Variants in ALMS1 observed in about 807,000 individuals in gnomAD.
The protein encoded by ALMS1 is ALMS1 centrosome and basal body associated protein, also known as centrosome-associated protein ALMS1.
A neutral mutation model predicts 352.2 loss-of-function variants in ALMS1; 271 were observed. The observed-to-expected ratio is 0.77, with a 90% CI of 0.70 to 0.85. ALMS1 has a LOEUF of 0.85. Among genes scored for constraint, ALMS1 ranks in the 40% least tolerant of loss-of-function variants. The probability of loss-of-function intolerance (pLI) is 0.00; values close to 1 mark genes in which losing one functional copy is unlikely to be tolerated. For missense variants in ALMS1, 5,445 were observed against 4,870.7 expected, an observed-to-expected ratio of 1.12 and a Z score of -3.51; for synonymous variants, 1,865 against 1,761.2, an observed-to-expected ratio of 1.06 and a Z score of -1.48.
intron 7 of ALMS1, among the ~76,000 whole-genome samples, chr2:73,446,945 G>A (rs994874480): frequency 3.3e-5 from 5 of 152,052 alleles, no homozygotes; most frequent in Admixed American, 1.3e-4. Flanking sequence ...GATAATACTT[G>A]CTCTATATAT....
intron 9 of ALMS1, 151 bp downstream of exon 9, chr2:73,455,446 C>T (rs1331171892): frequency 1.0e-6 from 1 of 972,692 alleles, no homozygotes; most frequent in East Asian, 2.7e-5. Context: ...CTCTGTTGCC[C>T]AGGCTGAAGT....
At chr2:73,486,535 T>A (rs1672851355) in intron 9 of ALMS1, among the ~76,000 whole-genome samples, 1 of 152,204 alleles carries the variant, frequency 6.6e-6, no homozygotes, top group East Asian at 1.9e-4. Flanking sequence ...GTTAGGGTTT[T>A]TTGTCTGTGT....
At chr2:73,575,801 G>A (rs1042506869) in intron 16 of ALMS1, among the ~76,000 whole-genome samples, 35 of 151,848 alleles carry the variant, frequency 2.3e-4, no homozygotes, top group Admixed American at 1.2e-3. Context: ...TCTGCTGACC[G>A]TGTCTTCTGA....
chr2:73,599,822 T>C (rs1418400965), intron 17 of ALMS1, among the ~76,000 whole-genome samples: 1 of 152,260 alleles, frequency 6.6e-6, no homozygotes. Context: ...AAATGTCTGC[T>C]ATAGATATAC....
intron 10 of ALMS1, among the ~76,000 whole-genome samples, chr2:73,506,335 G>A (rs1034923148): frequency 6.6e-6 from 1 of 152,156 alleles, no homozygotes; most frequent in Non-Finnish European, 1.5e-5. Flanking sequence ...AAAGTCAATG[G>A]TAGCTTGATG....
intron 15 of ALMS1, among the ~76,000 whole-genome samples, chr2:73,567,962 A>G (rs1454354872): frequency 6.6e-6 from 1 of 152,208 alleles, no homozygotes; most frequent in South Asian, 2.1e-4. Context: ...TGGGAAAACA[A>G]TTTTAAAAAA....
Position 73,572,943 on chromosome 2 carries a change from C to A in ALMS1, c.11066C>A (p.Thr3689Lys). Residue 3689 changes from threonine (T) to lysine (K), a missense_variant, in exon 16 of 23, where the codon ACA becomes AAA. Transcript: ENST00000613296. The part of the protein sequence containing the change: ...FKSLEKSHKN[T>K]GELKKSKVLS... ...AGCCTAGAGAAAAGCCATAAAAATACAGGCGAGCTTAAAAAAAGCAAGGTG... is the reference window on the plus strand; with the variant it reads ...AGCCTAGAGAAAAGCCATAAAAATAAAGGCGAGCTTAAAAAAAGCAAGGTG... 1 of 1,614,102 alleles carries A rather than the reference C, an allele frequency of 6.2e-7. No individual in the cohort carries two copies.
At chr2:73,567,697 C>T (rs538691736) in intron 15 of ALMS1, among the ~76,000 whole-genome samples, 4 of 152,168 alleles carry the variant, frequency 2.6e-5, no homozygotes, top group East Asian at 1.9e-4. Context: ...TTTAGAGTAT[C>T]GTGAGAATTT....
rs1277273005 is a variant in ALMS1 at position 73,462,749 on chromosome 2, G to A, written c.7674+7454G>A. The A allele has an allele frequency of 3.3e-5, 5 of 152,150 alleles. No homozygotes were observed. The South Asian group carries it at 6.2e-4, about 19-fold the overall frequency. The allele number at this position is 152,150 out of a possible 1,614,324, so 9.4% of individuals were successfully genotyped here. On this transcript the variant is annotated intron_variant, in intron 9 of 22. Coordinates refer to ENST00000613296, the MANE Select transcript of ALMS1 (RefSeq NM_001378454.1). ...GAGACACACATAGGCTCAAAATAAA[G>A]AGATGGAGGAAGATCTACCAAGCAA...
rs368992526 is a variant in ALMS1, at chr2:73,448,222, T to C, written c.1695T>C (p.Thr565=). Residue 565 remains threonine, a synonymous_variant, in exon 8 of 23, where the codon ACT becomes ACC. Transcript: ENST00000613296. ...TTCCTGAACCAGCTGACCAGAAGAC[T>C]GCAACACCAACAGTACTCTCTAGTT... ...TAIPEPADQK[T]ATPTVLSSSH... 5.6e-6 allele frequency: 9 copies of C among 1,613,940 alleles called. No individual in the cohort carries two copies. The African/African-American group carries it at 1.1e-4, about 19-fold the overall frequency.
Position 73,574,481 on chromosome 2 carries a change from C to G in ALMS1, c.11547+1057C>G, listed in dbSNP as rs1257957517. On this transcript the variant is annotated intron_variant, in intron 16 of 22. Transcript: ENST00000613296. ...AGTGACATAACATATAAATAAATAT[C>G]TATTTTGACAACTTGTGCTAAAAAA... Among the ~76,000 whole-genome samples the G allele has an allele frequency of 2.0e-5, 3 of 152,130 alleles. No individual in the cohort carries two copies. In the East Asian group the frequency reaches 5.8e-4, roughly 29 times the overall value.
intron 9 of ALMS1, among the ~76,000 whole-genome samples, chr2:73,479,547 G>A (rs561691386): frequency 2.3e-4 from 35 of 152,068 alleles, no homozygotes; most frequent in Non-Finnish European, 3.8e-4. Context: ...ACTGTTTTAT[G>A]TATCAGTAGT....
chr2:73,453,338 A>T lies in ALMS1; in HGVS notation c.6811A>T (p.Asn2271Tyr). 1 of 1,613,924 alleles carries T rather than the reference A, an allele frequency of 6.2e-7. No individual in the cohort carries two copies. Among genetic ancestry groups the T allele is most frequent in the African/African-American group, 1.3e-5 (1 of 75,034 alleles). The change falls in exon 8 of 23, where the codon AAT (asparagine) becomes TAT (tyrosine). Residue 2271 changes from asparagine (N) to tyrosine (Y), a missense_variant. Transcript: ENST00000613296. The part of the protein sequence containing the change: ...EIRTLLMEAE[N>Y]MALKRCNFPA... ...TCGGACACTTTTGATGGAGGCAGAA[A>T]ATATGGCACTGAAACGATGCAATTT...
chr2:73,450,139 G>GATAGAAACT lies in ALMS1; in HGVS notation c.3613_3614insTAGAAACTA (p.Gln1204_Thr1205insIleGluThr). ...AGAAACCTGGTATTTTCTATCAACA[G>GATAGAAACT]ACCTTGCCAGGTAGTCACATACCTG... On this transcript the variant is annotated inframe_insertion, in exon 8 of 23. Coordinates refer to ENST00000613296, the MANE Select transcript of ALMS1 (RefSeq NM_001378454.1). The GATAGAAACT allele has an allele frequency of 3.7e-6, 6 of 1,614,070 alleles. No homozygotes were observed. The highest frequency in any genetic ancestry group is 5.1e-6 in the Non-Finnish European group (6 of 1,179,986).
At chr2:73,432,428 G>A in intron 7 of ALMS1, 137 bp downstream of exon 7, 4 of 647,202 alleles carry the variant, frequency 6.2e-6, no homozygotes, top group South Asian at 3.6e-5. Context: ...TATAAATCCT[G>A]TCTTAGTCTC....
At chr2:73,483,987 T>A (rs1268779200) in intron 9 of ALMS1, among the ~76,000 whole-genome samples, 3 of 151,308 alleles carry the variant, frequency 2.0e-5, no homozygotes, top group Non-Finnish European at 4.4e-5. Flanking sequence ...GAGATGGGTT[T>A]CCTGAATACA....
chr2:73,504,344 C>G (rs6735139), intron 10 of ALMS1, among the ~76,000 whole-genome samples: 9,620 of 152,224 alleles, frequency 0.063, 775 homozygotes, highest in African/African-American at 0.17. Flanking sequence ...CCATCATAAT[C>G]AAGATACAGA....
intron 6 of ALMS1, among the ~76,000 whole-genome samples, chr2:73,428,773 C>G (rs1404541985): frequency 2.0e-5 from 3 of 152,114 alleles, no homozygotes; most frequent in Non-Finnish European, 4.4e-5. Flanking sequence ...ATGTCAATAT[C>G]AGAAAAGCAA....
chr2:73,460,046 C>CT (rs1403781690), intron 9 of ALMS1, among the ~76,000 whole-genome samples: 1 of 152,024 alleles, frequency 6.6e-6, no homozygotes, highest in East Asian at 1.9e-4. Flanking sequence ...TTATTCTAGC[C>CT]TTTTTTTCTT....
Sources: gnomAD v4.1 joint callset for allele counts (sites outside exome capture counted in the v4.1 genomes callset) on GRCh38, gnomAD v4.1.1 for gene constraint, MANE v1.5 for transcripts, NCBI Gene and HGNC (gene_info 2026-07-23, HGNC 2026-07-21) for gene names.